The following RNFT2 variants were observed in gnomAD, a reference collection of about 807,000 sequenced individuals.
The protein encoded by RNFT2 is ring finger protein, transmembrane 2.
Under a neutral mutation model 53.0 loss-of-function variants are expected in RNFT2, and 36 were observed. The observed-to-expected ratio is 0.68, with a 90% CI of 0.52 to 0.90. RNFT2 has a LOEUF of 0.90. Ranked by LOEUF, RNFT2 falls within the 40% of genes least tolerant of loss-of-function variation. The pLI, the probability that RNFT2 is intolerant of heterozygous loss-of-function variation, is 0.00. For missense variants in RNFT2, 514 were observed against 585.6 expected, an observed-to-expected ratio of 0.88 and a Z score of 1.26; for synonymous variants, 260 against 253.2, an observed-to-expected ratio of 1.03 and a Z score of -0.26.
intron 6 of RNFT2, among the ~76,000 whole-genome samples, chr12:116,773,511 C>T (rs191432178): frequency 6.6e-5 from 10 of 152,198 alleles, no homozygotes; most frequent in Non-Finnish European, 5.9e-5. Context: ...CTGGCAGTCT[C>T]TGTTTCTCCT....
intron 6 of RNFT2, among the ~76,000 whole-genome samples, chr12:116,768,969 G>A (rs1226491153): frequency 6.6e-6 from 1 of 152,024 alleles, no homozygotes; most frequent in Non-Finnish European, 1.5e-5. Context: ...GATCTCAGGT[G>A]ATCTACCTGC....
intron 3 of RNFT2, among the ~76,000 whole-genome samples, chr12:116,742,317 G>A (rs1265460860): frequency 6.9e-6 from 1 of 145,984 alleles, no homozygotes; most frequent in Non-Finnish European, 1.5e-5. Flanking sequence ...GCCCAGGCTA[G>A]AATGCAGTGG....
intron 1 of RNFT2, 103 bp from the exon 2 acceptor site, chr12:116,740,242 C>G: frequency 2.4e-6 from 1 of 420,314 alleles, no homozygotes; most frequent in Admixed American, 3.5e-5. Flanking sequence ...AGATACTGAG[C>G]AGATGGAATC....
chr12:116,826,866 C>T (rs1415807664), intron 7 of RNFT2, among the ~76,000 whole-genome samples: 1 of 152,168 alleles, frequency 6.6e-6, no homozygotes, highest in Non-Finnish European at 1.5e-5. Flanking sequence ...AAGGGGCTTA[C>T]AGTCCAGTGG....
intron 7 of RNFT2, among the ~76,000 whole-genome samples, chr12:116,823,453 G>A (rs1177413664): frequency 2.6e-5 from 4 of 152,230 alleles, no homozygotes; most frequent in Non-Finnish European, 4.4e-5. Flanking sequence ...GGAGGCCGAA[G>A]TGTGTGGATC....
At chr12:116,748,009 G>A (rs1224207685) in intron 3 of RNFT2, among the ~76,000 whole-genome samples, 1 of 152,074 alleles carries the variant, frequency 6.6e-6, no homozygotes, top group Non-Finnish European at 1.5e-5. Context: ...TGGCCAACGC[G>A]GTGAAACCCT....
chr12:116,791,143 C>T (rs1874212681), intron 7 of RNFT2, among the ~76,000 whole-genome samples: 1 of 152,234 alleles, frequency 6.6e-6, no homozygotes, highest in African/African-American at 2.4e-5. Flanking sequence ...CCGCTTCCCA[C>T]AAGCTCCTGG....
chr12:116,827,391 A>G (rs1487665607), intron 7 of RNFT2, among the ~76,000 whole-genome samples: 2 of 152,172 alleles, frequency 1.3e-5, no homozygotes, highest in African/African-American at 2.4e-5. Flanking sequence ...CAAAGAGTAG[A>G]GGGACCACTA....
chr12:116,851,916 C>G lies in RNFT2; in HGVS notation c.*2468C>G, dbSNP rs187258004. 3.6e-4 allele frequency: 550 copies of G among 1,534,984 alleles called. 3 individuals carry two copies. The African/African-American group carries it at 6.8e-3, about 19-fold the overall frequency. On this transcript the variant is annotated 3_prime_UTR_variant, in exon 11 of 11. Coordinates refer to ENST00000257575, the MANE Select transcript of RNFT2 (RefSeq NM_001382266.1). ...TTAAGTCTCAGGCCTGTCAGCAGCT[C>G]CTGTGGACATTGCCATCCCCTCTGG...
chr12:116,840,962 C>T (rs2137213820), intron 10 of RNFT2, among the ~76,000 whole-genome samples: 1 of 152,070 alleles, frequency 6.6e-6, no homozygotes, highest in Non-Finnish European at 1.5e-5. Context: ...GTAGTAGCCA[C>T]ATTTTCAGTA....
intron 10 of RNFT2, among the ~76,000 whole-genome samples, chr12:116,845,876 A>G (rs1322107735): frequency 6.6e-6 from 1 of 152,078 alleles, no homozygotes; most frequent in Non-Finnish European, 1.5e-5. Context: ...CTATCTCAGG[A>G]GCTTTGCACA....
chr12:116,850,282 G>A lies in RNFT2; in HGVS notation c.*834G>A, dbSNP rs1877856550. On this transcript the variant is annotated 3_prime_UTR_variant, in exon 11 of 11. Transcript: ENST00000257575. ...CCATCCTCCCGCCTCAGCCTCCCAA[G>A]TAGCTGGGACTACAGGTGTGTGCCA... 1 of 151,296 alleles carries A rather than the reference G, an allele frequency of 6.6e-6. No homozygotes were observed. Among genetic ancestry groups the A allele is most frequent in the Non-Finnish European group, 1.5e-5 (1 of 68,104 alleles). 9.4% of individuals were successfully genotyped at this position (151,296 alleles called of 1,614,324 possible).
chr12:116,757,704 A>G (rs1373781410), intron 5 of RNFT2, among the ~76,000 whole-genome samples: 1 of 151,888 alleles, frequency 6.6e-6, no homozygotes, highest in Non-Finnish European at 1.5e-5. Flanking sequence ...TATAATTTCA[A>G]TTTTCTTAAA....
chr12:116,801,796 G>T (rs1008025969), intron 7 of RNFT2, among the ~76,000 whole-genome samples: 1 of 147,542 alleles, frequency 6.8e-6, no homozygotes, highest in African/African-American at 2.7e-5. Flanking sequence ...TGTTTTCTGT[G>T]GGGTTTTTTT....
chr12:116,791,821 T>C (rs569881940), intron 7 of RNFT2, among the ~76,000 whole-genome samples: 1 of 152,338 alleles, frequency 6.6e-6, no homozygotes, highest in Non-Finnish European at 1.5e-5. Context: ...TGTAATCCTA[T>C]GTTGAACCTT....
At chr12:116,810,192 T>A (rs1875301658) in intron 7 of RNFT2, among the ~76,000 whole-genome samples, 1 of 152,024 alleles carries the variant, frequency 6.6e-6, no homozygotes, top group African/African-American at 2.4e-5. Flanking sequence ...AAGCAGTCAC[T>A]CCAAGGCCCT....
intron 7 of RNFT2, among the ~76,000 whole-genome samples, chr12:116,787,119 T>C (rs1873969363): frequency 6.6e-6 from 1 of 152,236 alleles, no homozygotes; most frequent in Admixed American, 6.5e-5. Flanking sequence ...TGAGTGGCCG[T>C]TATTTCCTTT....
At chr12:116,780,670 CAAAAAAA>C (rs534092869) in intron 7 of RNFT2, among the ~76,000 whole-genome samples, 1 of 100,174 alleles carries the variant, frequency 1.0e-5, no homozygotes, top group Non-Finnish European at 2.4e-5. Context: ...GGCATAAAGA[CAAAAAAA>C]AAAAAAAGAG....
At chr12:116,794,680 G>GAGGGAGGGAGGGAGGA (rs1874415435) in intron 7 of RNFT2, among the ~76,000 whole-genome samples, 1 of 118,430 alleles carries the variant, frequency 8.4e-6, no homozygotes, top group Non-Finnish European at 1.7e-5. Flanking sequence ...GGAAGGGAGG[G>GAGGGAGGGAGGGAGGA]AGGGAGGGAG....
Sources: gnomAD v4.1 joint callset for allele counts (sites outside exome capture counted in the v4.1 genomes callset) on GRCh38, gnomAD v4.1.1 for gene constraint, MANE v1.5 for transcripts, NCBI Gene and HGNC (gene_info 2026-07-23, HGNC 2026-07-21) for gene names.